SLC4A4: variants seen among roughly 807,000 people sequenced by gnomAD.
The protein encoded by SLC4A4 is electrogenic sodium bicarbonate cotransporter 1.
Under a neutral mutation model 111.5 loss-of-function variants are expected in SLC4A4, and 27 were observed. That is an observed-to-expected ratio of 0.24 (90% CI 0.18 to 0.33). The LOEUF is 0.33. Ranked by LOEUF, SLC4A4 falls within the 10% of genes least tolerant of loss-of-function variation. SLC4A4 has a pLI of 1.00. For missense variants in SLC4A4, 909 were observed against 1,315.5 expected, an observed-to-expected ratio of 0.69 and a Z score of 4.78; for synonymous variants, 443 against 463.4, an observed-to-expected ratio of 0.96 and a Z score of 0.57.
Position 71,216,731 on chromosome 4 carries a change from G to C in SLC4A4, c.-1-19845G>C, listed in dbSNP as rs542935231. Reference sequence around the variant, plus strand: ...GAGCATTGGAGTCAGAGCTGGGTTTGAATTCTCTCTCCGCCAGTTGCTAGT... The same window carrying C: ...GAGCATTGGAGTCAGAGCTGGGTTTCAATTCTCTCTCCGCCAGTTGCTAGT... On this transcript the variant is annotated intron_variant, in intron 1 of 25. Transcript: ENST00000264485. Among the ~76,000 whole-genome samples, 11 of 152,302 alleles carry C rather than the reference G, an allele frequency of 7.2e-5. No homozygotes were observed. In the South Asian group the frequency reaches 2.3e-3, roughly 32 times the overall value.
chr4:71,257,776 A>T (rs930122402), intron 3 of SLC4A4, among the ~76,000 whole-genome samples: 3 of 152,220 alleles, frequency 2.0e-5, no homozygotes, highest in African/African-American at 7.2e-5. Context: ...TGTGATGCTT[A>T]TACTTCTGAG....
intron 14 of SLC4A4, among the ~76,000 whole-genome samples, chr4:71,486,568 T>G (rs1729423225): frequency 6.6e-6 from 1 of 151,576 alleles, no homozygotes; most frequent in African/African-American, 2.4e-5. Context: ...GAAATTTTCC[T>G]GTACATTCTG....
intron 2 of SLC4A4, among the ~76,000 whole-genome samples, chr4:71,182,176 CTGAA>C (rs1331781462): frequency 6.6e-6 from 1 of 152,152 alleles, no homozygotes; most frequent in Non-Finnish European, 1.5e-5. Context: ...TATTGGTTGA[CTGAA>C]TGGATGACCC....
intron 2 of SLC4A4, among the ~76,000 whole-genome samples, chr4:71,123,109 A>G (rs182070210): frequency 3.1e-3 from 469 of 152,314 alleles, no homozygotes; most frequent in Admixed American, 5.4e-3. Flanking sequence ...GGTATAATGA[A>G]AAGTTTTAAG....
intron 2 of SLC4A4, among the ~76,000 whole-genome samples, chr4:71,249,561 C>T (rs1398608480): frequency 6.6e-6 from 1 of 152,116 alleles, no homozygotes; most frequent in Non-Finnish European, 1.5e-5. Context: ...CTTATGGACA[C>T]TCTTATGGGT....
chr4:71,365,985 A>C (rs1471843008), intron 6 of SLC4A4, among the ~76,000 whole-genome samples: 4 of 152,158 alleles, frequency 2.6e-5, no homozygotes, highest in African/African-American at 9.7e-5. Flanking sequence ...TCCAGGTCTC[A>C]TATGTAATAA....
At chr4:71,300,459 C>A in intron 3 of SLC4A4, 1 of 242,056 alleles carries the variant, frequency 4.1e-6, no homozygotes, top group South Asian at 7.0e-5. Context: ...CCATTTAGCC[C>A]TGCCTCAGCA....
chr4:71,200,833 G>C (rs1387160792), intron 1 of SLC4A4, among the ~76,000 whole-genome samples: 1 of 151,820 alleles, frequency 6.6e-6, no homozygotes. Flanking sequence ...TGAGTGGTGA[G>C]CACAGCTGAC....
chr4:71,236,505 A>C, intron 1 of SLC4A4, 71 bp from the exon 2 acceptor site: 1 of 1,401,896 alleles, frequency 7.1e-7, no homozygotes, highest in East Asian at 2.3e-5. Context: ...CCTGCCCAGA[A>C]GCTGGGCTGC....
At chr4:71,362,494 A>T (rs1354213292) in intron 6 of SLC4A4, among the ~76,000 whole-genome samples, 1 of 152,208 alleles carries the variant, frequency 6.6e-6, no homozygotes, top group East Asian at 1.9e-4. Flanking sequence ...GTTTAAGCAC[A>T]ATTAGGGAAG....
rs1726657168 is a variant in SLC4A4 at position 71,316,128 on chromosome 4, C to A, written c.254-23242C>A. ...TTATTAATTTTTGAAGCCACAAAAGCATGAATCAACATTATAGCAGTGTCA... is the reference window on the plus strand; with the variant it reads ...TTATTAATTTTTGAAGCCACAAAAGAATGAATCAACATTATAGCAGTGTCA... On this transcript the variant is annotated intron_variant, in intron 3 of 25. Transcript: ENST00000264485. Among the ~76,000 whole-genome samples the A allele has an allele frequency of 2.0e-5, 3 of 152,262 alleles. No homozygotes were observed. In the South Asian group the frequency reaches 6.2e-4, roughly 32 times the overall value.
intron 3 of SLC4A4, among the ~76,000 whole-genome samples, chr4:71,329,953 C>T (rs1285173561): frequency 6.6e-6 from 1 of 151,218 alleles, no homozygotes; most frequent in East Asian, 1.9e-4. Flanking sequence ...TAGGTCTGTT[C>T]TTCTATTAAT....
At chr4:71,193,641 A>C (rs1050009307) in intron 1 of SLC4A4, among the ~76,000 whole-genome samples, 1 of 152,114 alleles carries the variant, frequency 6.6e-6, no homozygotes, top group African/African-American at 2.4e-5. Context: ...ATTCTATCGG[A>C]TGTATAGTTG....
chr4:71,160,305 A>G (rs561091147), intron 2 of SLC4A4, among the ~76,000 whole-genome samples: 2 of 151,302 alleles, frequency 1.3e-5, no homozygotes, highest in South Asian at 2.1e-4. Flanking sequence ...GTTTTATCTT[A>G]TTCATGTGTC....
chr4:71,255,924 A>T (rs553099830), intron 3 of SLC4A4, among the ~76,000 whole-genome samples: 1 of 152,310 alleles, frequency 6.6e-6, no homozygotes, highest in Admixed American at 6.5e-5. Context: ...AGAGTGACAC[A>T]GTTGTTAAGA....
chr4:71,156,582 G>GCACACA (rs562437625), intron 2 of SLC4A4, among the ~76,000 whole-genome samples: 59 of 111,964 alleles, frequency 5.3e-4, no homozygotes, highest in Middle Eastern at 4.0e-3. Context: ...ATGCGCGCGC[G>GCACACA]CGCGCGCACA....
intron 3 of SLC4A4, among the ~76,000 whole-genome samples, chr4:71,301,596 A>G (rs758473842): frequency 2.0e-5 from 3 of 152,254 alleles, no homozygotes; most frequent in Non-Finnish European, 4.4e-5. Context: ...CCTCCCTCAT[A>G]GCATCTAGAG....
At chr4:71,424,850 G>C (rs984072914) in intron 7 of SLC4A4, among the ~76,000 whole-genome samples, 4 of 151,980 alleles carry the variant, frequency 2.6e-5, no homozygotes, top group Non-Finnish European at 4.4e-5. Flanking sequence ...GTGGAGTGGC[G>C]GGGGAGGGAG....
chr4:71,479,256 T>A (rs1430379120), intron 14 of SLC4A4, among the ~76,000 whole-genome samples: 3 of 151,628 alleles, frequency 2.0e-5, no homozygotes, highest in African/African-American at 7.3e-5. Flanking sequence ...ATAGTTGGCT[T>A]TTTTCCTGGT....
Sources: gnomAD v4.1 joint callset for allele counts (sites outside exome capture counted in the v4.1 genomes callset) on GRCh38, gnomAD v4.1.1 for gene constraint, MANE v1.5 for transcripts, NCBI Gene and HGNC (gene_info 2026-07-23, HGNC 2026-07-21) for gene names.